The following MACROD2 variants were observed in gnomAD, a reference collection of about 807,000 sequenced individuals.
MACROD2 encodes mono-ADP ribosylhydrolase 2, also known as ADP-ribose glycohydrolase MACROD2.
Under a neutral mutation model 70.4 loss-of-function variants are expected in MACROD2, and 36 were observed. The ratio of observed to expected loss-of-function variants is 0.51; its 90% CI spans 0.39 to 0.68. The LOEUF is 0.68. Ranked by LOEUF, MACROD2 falls within the 30% of genes least tolerant of loss-of-function variation. MACROD2 has a pLI of 0.00. For synonymous variants in MACROD2, 172 were observed against 178.8 expected (o/e 0.96, Z 0.30); for missense variants, 496 against 538.4 (o/e 0.92, Z 0.78).
At chr20:15,227,823 G>GTCTTTTTTTTTTT (rs2076920830) in intron 5 of MACROD2, among the ~76,000 whole-genome samples, 1 of 46,092 alleles carries the variant, frequency 2.2e-5, no homozygotes, top group Non-Finnish European at 3.8e-5. Flanking sequence ...AATTTCACCT[G>GTCTTTTTTTTTTT]TTTTTTTTTT....
chr20:14,674,728 T>C (rs1396911638), intron 4 of MACROD2, among the ~76,000 whole-genome samples: 1 of 152,196 alleles, frequency 6.6e-6, no homozygotes, highest in Non-Finnish European at 1.5e-5. Context: ...ATATTATTAT[T>C]TGATTTCCCC....
intron 7 of MACROD2, among the ~76,000 whole-genome samples, chr20:15,456,993 G>GC (rs940773432): frequency 4.6e-5 from 7 of 151,082 alleles, no homozygotes; most frequent in African/African-American, 1.5e-4. Context: ...GGCCAGACAG[G>GC]CTAGCACCTG....
Position 14,958,595 on chromosome 20 carries a change from G to A in MACROD2, c.419-271345G>A, listed in dbSNP as rs934783291. On this transcript the variant is annotated intron_variant, in intron 5 of 17. Coordinates refer to ENST00000684519, the MANE Select transcript of MACROD2 (RefSeq NM_001351661.2). ...CACCCTTAGAGCTTCTGGAAGATCC[G>A]CTGATTAGCCCGGTTCTACTCTTGC... is the stretch of plus-strand genomic sequence containing the variant. Among the ~76,000 whole-genome samples, 6 of 152,274 alleles carry A rather than the reference G, an allele frequency of 3.9e-5. No homozygotes were observed. In the East Asian group the frequency reaches 7.7e-4, roughly 20 times the overall value.
chr20:14,277,300 A>C lies in MACROD2; in HGVS notation c.271+191572A>C, dbSNP rs144553477. Among the ~76,000 whole-genome samples, 161 of 151,760 alleles carry C rather than the reference A, an allele frequency of 1.1e-3. 1 individual carries two copies. Among genetic ancestry groups the C allele is most frequent in the African/African-American group, 3.7e-3 (152 of 41,394 alleles). ...CCGTCTCTACTAAAAATACAAAAATAAGCTAGGCATGGTGGCACGCACCTG... is the reference window on the plus strand; with the variant it reads ...CCGTCTCTACTAAAAATACAAAAATCAGCTAGGCATGGTGGCACGCACCTG... On this transcript the variant is annotated intron_variant, in intron 3 of 17. Coordinates refer to ENST00000684519, the MANE Select transcript of MACROD2 (RefSeq NM_001351661.2).
At chr20:15,442,655 G>C (rs1251518423) in intron 7 of MACROD2, among the ~76,000 whole-genome samples, 1 of 152,084 alleles carries the variant, frequency 6.6e-6, no homozygotes, top group Non-Finnish European at 1.5e-5. Context: ...AGTCTAGCTT[G>C]GGGTCTACAC....
chr20:14,617,901 G>A (rs1246194353), intron 4 of MACROD2, among the ~76,000 whole-genome samples: 1 of 152,126 alleles, frequency 6.6e-6, no homozygotes, highest in Non-Finnish European at 1.5e-5. Context: ...GGTTATTTGT[G>A]CAGGTGATAA....
At chr20:15,733,198 A>G (rs2050970734) in intron 8 of MACROD2, among the ~76,000 whole-genome samples, 1 of 152,036 alleles carries the variant, frequency 6.6e-6, no homozygotes, top group Non-Finnish European at 1.5e-5. Flanking sequence ...ATCTGTAGTA[A>G]TGTTCCTCTT....
At chr20:15,961,257 T>C (rs572715278) in intron 12 of MACROD2, among the ~76,000 whole-genome samples, 1 of 152,114 alleles carries the variant, frequency 6.6e-6, no homozygotes, top group Non-Finnish European at 1.5e-5. Context: ...TGTGGATCCT[T>C]CTAGGTGTCA....
chr20:15,766,222 T>C (rs2147006656), intron 8 of MACROD2, among the ~76,000 whole-genome samples: 1 of 152,320 alleles, frequency 6.6e-6, no homozygotes, highest in East Asian at 1.9e-4. Flanking sequence ...ATCAGAGCCA[T>C]TTCTCCTTAT....
chr20:15,024,159 G>GTTCTA (rs2075211686), intron 5 of MACROD2, among the ~76,000 whole-genome samples: 1 of 152,120 alleles, frequency 6.6e-6, no homozygotes, highest in Admixed American at 6.6e-5. Flanking sequence ...GGTCCAAAGA[G>GTTCTA]CAGGAACTCT....
intron 3 of MACROD2, among the ~76,000 whole-genome samples, chr20:14,259,733 C>T (rs142534010): frequency 1.7e-3 from 258 of 152,314 alleles, no homozygotes; most frequent in African/African-American, 6.0e-3. Context: ...GTGATAAGTG[C>T]AACTGTAGAA....
chr20:14,496,443 T>C (rs961063899), intron 4 of MACROD2, among the ~76,000 whole-genome samples: 13 of 152,214 alleles, frequency 8.5e-5, no homozygotes, highest in African/African-American at 2.9e-4. Flanking sequence ...ATTTTGTTGT[T>C]CTTTTCTGAG....
At chr20:15,128,764 A>T (rs2076084356) in intron 5 of MACROD2, among the ~76,000 whole-genome samples, 1 of 152,030 alleles carries the variant, frequency 6.6e-6, no homozygotes. Flanking sequence ...CCATTCACCC[A>T]CACACTCTTT....
At chr20:14,562,523 AC>A (rs11475992) in intron 4 of MACROD2, among the ~76,000 whole-genome samples, 119,398 of 151,698 alleles carry the variant, frequency 0.79, 47,369 homozygotes, top group East Asian at 0.93. Flanking sequence ...GGATGATTGC[AC>A]CCACAACACA....
intron 7 of MACROD2, among the ~76,000 whole-genome samples, chr20:15,461,004 A>AT (rs1441910465): frequency 0.062 from 2,959 of 47,638 alleles, 87 homozygotes; most frequent in Middle Eastern, 0.094. Flanking sequence ...ATATATATAT[A>AT]TATTTTTTTT....
intron 5 of MACROD2, among the ~76,000 whole-genome samples, chr20:14,772,704 G>A (rs953340859): frequency 2.6e-5 from 4 of 152,014 alleles, no homozygotes; most frequent in African/African-American, 9.7e-5. Context: ...TGTTGCTAAA[G>A]ATTTTTAAAC....
At chr20:14,235,933 G>GT (rs1297794790) in intron 3 of MACROD2, among the ~76,000 whole-genome samples, 2 of 151,832 alleles carry the variant, frequency 1.3e-5, no homozygotes, top group East Asian at 1.9e-4. Flanking sequence ...TAGTATTACT[G>GT]TTTTTTTAAT....
At chr20:15,153,228 G>C (rs987843339) in intron 5 of MACROD2, among the ~76,000 whole-genome samples, 7 of 152,070 alleles carry the variant, frequency 4.6e-5, no homozygotes, top group African/African-American at 1.7e-4. Context: ...CCTGGGTGCA[G>C]GCGGGCTGAG....
chr20:14,546,919 A>G (rs1240275887), intron 4 of MACROD2, among the ~76,000 whole-genome samples: 5 of 146,290 alleles, frequency 3.4e-5, no homozygotes, highest in Non-Finnish European at 4.4e-5. Context: ...CAATATCTGT[A>G]TTTTCTCTTT....
Sources: allele counts gnomAD v4.1 joint callset (sites outside exome capture counted in the v4.1 genomes callset), GRCh38; gene constraint gnomAD v4.1.1; transcripts MANE v1.5; gene names NCBI Gene and HGNC (gene_info 2026-07-23, HGNC 2026-07-21).